The following SLC25A24 variants were observed in gnomAD, a reference collection of about 807,000 sequenced individuals.
SLC25A24 encodes the protein solute carrier family 25 member 24.
SLC25A24 carries 49 observed loss-of-function variants against 60.7 expected under a neutral mutation model. That is an observed-to-expected ratio of 0.81 (90% CI 0.64 to 1.02). SLC25A24 has a LOEUF of 1.02. Ranked by LOEUF, SLC25A24 falls within the 50% of genes least tolerant of loss-of-function variation. SLC25A24 has a pLI of 0.00. For missense variants in SLC25A24, 564 were observed against 586.3 expected (o/e 0.96, Z 0.39); for synonymous variants, 202 against 200.6 (o/e 1.01, Z -0.06).
At chr1:108,199,831 T>C (rs368688015) in intron 1 of SLC25A24, 125 bp downstream of exon 1, 2 of 740,986 alleles carry the variant, frequency 2.7e-6, no homozygotes. Flanking sequence ...ACCGGAGCGC[T>C]GGGCGCCACA....
intron 1 of SLC25A24, among the ~76,000 whole-genome samples, chr1:108,196,340 A>C (rs934456261): frequency 6.6e-6 from 1 of 152,220 alleles, no homozygotes; most frequent in African/African-American, 2.4e-5. Context: ...ATGGGATACC[A>C]CATTTTAAAG....
intron 6 of SLC25A24, among the ~76,000 whole-genome samples, chr1:108,149,919 T>C (rs1382476467): frequency 3.9e-5 from 6 of 152,218 alleles, no homozygotes; most frequent in Admixed American, 3.9e-4. Flanking sequence ...TTGCTGCTCA[T>C]GATAAAAATT....
At chr1:108,176,141 C>T (rs1320103699) in intron 3 of SLC25A24, among the ~76,000 whole-genome samples, 1 of 151,710 alleles carries the variant, frequency 6.6e-6, no homozygotes, top group Admixed American at 6.6e-5. Context: ...AGGAAAATAA[C>T]GAGTGACCAC....
At chr1:108,151,112 A>G (rs1679743112) in intron 6 of SLC25A24, among the ~76,000 whole-genome samples, 1 of 152,112 alleles carries the variant, frequency 6.6e-6, no homozygotes, top group African/African-American at 2.4e-5. Context: ...GAGGCAGAAG[A>G]ATCACTTGAA....
chr1:108,150,495 G>A (rs894866612), intron 6 of SLC25A24, among the ~76,000 whole-genome samples: 2 of 152,116 alleles, frequency 1.3e-5, no homozygotes, highest in Non-Finnish European at 2.9e-5. Flanking sequence ...CCATTTGTTA[G>A]ACTAACCATT....
chr1:108,164,982 G>T, intron 3 of SLC25A24, among the ~76,000 whole-genome samples: 1 of 143,884 alleles, frequency 7.0e-6, no homozygotes. Flanking sequence ...CAGAGATTCT[G>T]GTATGTTGTG....
chr1:108,156,388 T>C (rs990516231), intron 5 of SLC25A24, among the ~76,000 whole-genome samples: 14 of 152,134 alleles, frequency 9.2e-5, no homozygotes, highest in African/African-American at 3.1e-4. Context: ...CACAATAAAA[T>C]AGGACAAAGG....
At position 108,161,172 on chromosome 1, in the gene SLC25A24, G is replaced by C; in HGVS notation, c.510+10C>G. ...CTCCAAATAAGTATAAATACATAAAGTAGACTTACTGTAGAATGTTTCCAG... is the reference window on the plus strand; with the variant it reads ...CTCCAAATAAGTATAAATACATAAACTAGACTTACTGTAGAATGTTTCCAG... On this transcript the variant is annotated intron_variant, in intron 4 of 9. Coordinates refer to ENST00000565488, the MANE Select transcript of SLC25A24 (RefSeq NM_013386.5). The C allele has an allele frequency of 7.4e-7, 1 of 1,355,708 alleles. No homozygotes were observed. Among genetic ancestry groups the C allele is most frequent in the Admixed American group, 1.7e-5 (1 of 58,496 alleles). 84.0% of individuals were successfully genotyped at this position (1,355,708 alleles called of 1,614,324 possible).
At chr1:108,187,350 A>G (rs1648168025) in intron 1 of SLC25A24, among the ~76,000 whole-genome samples, 1 of 152,172 alleles carries the variant, frequency 6.6e-6, no homozygotes, top group South Asian at 2.1e-4. Flanking sequence ...AAGAGCAAAA[A>G]GTAATGAGAA....
chr1:108,149,300 C>T (rs1026508150), intron 6 of SLC25A24, among the ~76,000 whole-genome samples: 31 of 152,184 alleles, frequency 2.0e-4, no homozygotes, highest in African/African-American at 7.2e-4. Context: ...AATATGACCC[C>T]AATACAGCCA....
intron 1 of SLC25A24, among the ~76,000 whole-genome samples, chr1:108,196,794 T>C (rs1204675750): frequency 1.3e-5 from 2 of 148,292 alleles, no homozygotes; most frequent in African/African-American, 5.1e-5. Context: ...ATCCCATTCA[T>C]GAAGGCTCCA....
At chr1:108,167,518 A>G (rs1647236030) in intron 3 of SLC25A24, among the ~76,000 whole-genome samples, 3 of 152,194 alleles carry the variant, frequency 2.0e-5, no homozygotes, top group Non-Finnish European at 4.4e-5. Flanking sequence ...AGCCCGTCAG[A>G]AAAGCGCAGT....
intron 1 of SLC25A24, among the ~76,000 whole-genome samples, chr1:108,188,168 C>A (rs1648212587): frequency 6.6e-6 from 1 of 151,624 alleles, no homozygotes; most frequent in South Asian, 2.1e-4. Flanking sequence ...CACATGGGAG[C>A]AAAACATGGG....
At chr1:108,177,498 C>G (rs1647723234) in intron 3 of SLC25A24, among the ~76,000 whole-genome samples, 1 of 152,124 alleles carries the variant, frequency 6.6e-6, no homozygotes, top group Non-Finnish European at 1.5e-5. Context: ...CTAGATCCAA[C>G]TATATGCTGC....
At position 108,191,984 on chromosome 1, in the gene SLC25A24, C is replaced by T. The variant is rs60803119; in HGVS notation, c.184-6030G>A. On this transcript the variant is annotated intron_variant, in intron 1 of 9. Transcript: ENST00000565488. ...CTCGGTACTGATAACTAGGGTCTAT[C>T]AATTAAGGCATATTATGAGGAAACC... Among the ~76,000 whole-genome samples, 1,202 of 138,662 alleles carry T rather than the reference C, an allele frequency of 8.7e-3. 126 individuals are homozygous for T. The highest frequency in any genetic ancestry group is 0.028 in the African/African-American group (1,116 of 40,038). 91.0% of individuals were successfully genotyped at this position (138,662 alleles called of 152,430 possible).
Position 108,134,996 on chromosome 1 carries a change from T to C in SLC25A24, c.*1657A>G, listed in dbSNP as rs1201342172. 6.6e-6 allele frequency: 1 copy of C among 152,154 alleles called. No individual in the cohort carries two copies. Among genetic ancestry groups the C allele is most frequent in the Non-Finnish European group, 1.5e-5 (1 of 68,012 alleles). The allele number at this position is 152,154 out of a possible 1,614,324, so 9.4% of individuals were successfully genotyped here. A position where few individuals can be genotyped will look rare whatever the true frequency, so the allele number is the denominator to read the frequency against. ...CATACCTTACAATTTAAATTCATAA[T>C]GAACAATGAATATTTTCATATTTTC... On this transcript the variant is annotated 3_prime_UTR_variant, in exon 10 of 10. Coordinates refer to ENST00000565488, the MANE Select transcript of SLC25A24 (RefSeq NM_013386.5).
intron 6 of SLC25A24, among the ~76,000 whole-genome samples, chr1:108,153,351 A>C (rs956492793): frequency 3.3e-5 from 5 of 152,222 alleles, no homozygotes; most frequent in African/African-American, 1.2e-4. Flanking sequence ...ATCTGAATCT[A>C]AAAGTGACCT....
chr1:108,154,674 T>C (rs1262509204), intron 6 of SLC25A24, among the ~76,000 whole-genome samples: 2 of 152,214 alleles, frequency 1.3e-5, no homozygotes, highest in African/African-American at 4.8e-5. Flanking sequence ...TTCATAAAAC[T>C]TATGTTAGTG....
Position 108,139,221 on chromosome 1 carries a change from TAAA to T in SLC25A24, c.1099-16_1099-14del. 6.3e-7 allele frequency: 1 copy of T among 1,579,510 alleles called. No homozygotes were observed. Among genetic ancestry groups the T allele is most frequent in the Non-Finnish European group, 8.6e-7 (1 of 1,166,080 alleles). On this transcript the variant is annotated splice_polypyrimidine_tract_variant and intron_variant, in intron 8 of 9. Coordinates refer to ENST00000565488, the MANE Select transcript of SLC25A24 (RefSeq NM_013386.5). Reference sequence around the variant, plus strand: ...AGGACTTCAAGAGCTGCCAGAGAAATAAAGAAGAAAATAATTAACGAACTCTAC... The same window carrying T: ...AGGACTTCAAGAGCTGCCAGAGAAATGAAGAAAATAATTAACGAACTCTAC...
Sources: allele counts gnomAD v4.1 joint callset (sites outside exome capture counted in the v4.1 genomes callset), GRCh38; gene constraint gnomAD v4.1.1; transcripts MANE v1.5; gene names NCBI Gene and HGNC (gene_info 2026-07-23, HGNC 2026-07-21).